The following WNT9A variants were observed in gnomAD, a reference collection of about 807,000 sequenced individuals.
WNT9A encodes Wnt family member 9A, also known as protein Wnt-9a.
WNT9A carries 8 observed loss-of-function variants against 31.4 expected under a neutral mutation model. That is an observed-to-expected ratio of 0.26 (90% confidence interval 0.15 to 0.46). The LOEUF is 0.46. WNT9A is among the 20% of genes least tolerant of loss of function. The pLI is 0.99. For missense variants in WNT9A, 457 were observed against 522.9 expected (o/e 0.87, Z 1.23); for synonymous variants, 236 against 220.1 (o/e 1.07, Z -0.64).
intron 1 of WNT9A, among the ~76,000 whole-genome samples, chr1:227,936,877 T>G (rs1382126434): frequency 6.6e-6 from 1 of 152,154 alleles, no homozygotes. Context: ...GGAATCTTCT[T>G]TACAGCTTTA....
rs1312046525 is a variant in WNT9A, at chr1:227,921,332, C to G, written c.*186G>C. On this transcript the variant is annotated 3_prime_UTR_variant, in exon 4 of 4. Coordinates refer to ENST00000272164, the MANE Select transcript of WNT9A (RefSeq NM_003395.4). ...GGACTGAGCCCAGGGACTCACCCCA[C>G]GCTGCTAGGTCTGAGCCCAGGGACT... 1 of 903,624 alleles carries G rather than the reference C, an allele frequency of 1.1e-6. No homozygotes were observed. Among genetic ancestry groups the G allele is most frequent in the Non-Finnish European group, 1.6e-6 (1 of 613,514 alleles). 56.0% of individuals were successfully genotyped at this position (903,624 alleles called of 1,614,324 possible). A position where few individuals can be genotyped will look rare whatever the true frequency, so the allele number is the denominator to read the frequency against.
At chr1:227,941,168 G>T (rs989698605) in intron 1 of WNT9A, among the ~76,000 whole-genome samples, 4 of 152,202 alleles carry the variant, frequency 2.6e-5, no homozygotes, top group Non-Finnish European at 5.9e-5. Flanking sequence ...GAGTCCTGTA[G>T]GACCCGGGGC....
chr1:227,932,044 C>G (rs1666521521), intron 1 of WNT9A, among the ~76,000 whole-genome samples: 1 of 152,208 alleles, frequency 6.6e-6, no homozygotes, highest in Non-Finnish European at 1.5e-5. Flanking sequence ...AGCAAGACAA[C>G]TATGAAGTTT....
Position 227,924,361 on chromosome 1 carries a change from G to C in WNT9A, c.392C>G (p.Ala131Gly). ...ETAFLYAISS[A>G]GLTHALAKAC... ...CTTGGCCAGTGCGTGCGTCAGGCCA[G>C]CCGAGGAGATGGCATAGAGGAAGGC... is the stretch of plus-strand genomic sequence containing the variant. The change falls in exon 3 of 4, where the codon GCT (alanine) becomes GGT (glycine). Residue 131 changes from alanine (A) to glycine (G), a missense_variant. Physicochemically the swap from Ala to Gly is moderately conservative, Grantham distance 60. Coordinates refer to ENST00000272164, the MANE Select transcript of WNT9A (RefSeq NM_003395.4). 6.2e-7 allele frequency: 1 copy of C among 1,613,296 alleles called. No individual in the cohort carries two copies.
intron 1 of WNT9A, among the ~76,000 whole-genome samples, chr1:227,937,901 G>A (rs1291132588): frequency 6.6e-6 from 1 of 152,200 alleles, no homozygotes; most frequent in Non-Finnish European, 1.5e-5. Context: ...GCCACCTGCG[G>A]TCCCAGAGCC....
At position 227,925,465 on chromosome 1, in the gene WNT9A, C is replaced by A; in HGVS notation, c.150G>T (p.Ala50=). 6.3e-7 allele frequency: 1 copy of A among 1,577,068 alleles called. No homozygotes were observed. The highest frequency in any genetic ancestry group is 8.6e-7 in the Non-Finnish European group (1 of 1,165,672). The part of the protein sequence containing the change: ...TILPLTLEPE[A]AAQAHYKACD... ...AGGCCTTGTAGTGCGCCTGGGCAGC[C>A]GCCTCTGGCTCCAGGGTCAGCGGGA... Residue 50 remains alanine, a synonymous_variant, in exon 2 of 4, where the codon GCG becomes GCT. Transcript: ENST00000272164. This position sits in a 1 kb window ranked among gnomAD's most constrained non-coding sequence, Gnocchi z 6.0.
At chr1:227,924,451 C>G (rs1290263568) in intron 2 of WNT9A, 51 bp from the exon 3 acceptor site, 1 of 1,571,756 alleles carries the variant, frequency 6.4e-7, no homozygotes, top group Admixed American at 1.8e-5. Flanking sequence ...AGAGTTCCCC[C>G]TTCACTGTCC....
chr1:227,931,151 A>C (rs1666504888), intron 1 of WNT9A, among the ~76,000 whole-genome samples: 2 of 152,040 alleles, frequency 1.3e-5, no homozygotes, highest in Non-Finnish European at 2.9e-5. Flanking sequence ...CAGTGGCACA[A>C]TGACAGCTCA....
rs1427184708 is a variant in WNT9A, at chr1:227,926,979, G to A, written c.96-1460C>T. Among the ~76,000 whole-genome samples, 1 of 152,126 alleles carries A rather than the reference G, an allele frequency of 6.6e-6. No individual in the cohort carries two copies. The highest frequency in any genetic ancestry group is 1.9e-4 in the East Asian group (1 of 5,156). On this transcript the variant is annotated intron_variant, in intron 1 of 3. Transcript: ENST00000272164. This position sits in a 1 kb window ranked among gnomAD's most constrained non-coding sequence, Gnocchi z 5.0. ...ACAGGCGCAGGCCACAGAAGGAGCAGGTAGTGGCCCCAGGAAGGATCCCAC... is the reference window on the plus strand; with the variant it reads ...ACAGGCGCAGGCCACAGAAGGAGCAAGTAGTGGCCCCAGGAAGGATCCCAC...
rs181078274 is a variant in WNT9A, at chr1:227,938,366, C to T, written c.95+9427G>A. Among the ~76,000 whole-genome samples, 165 of 150,572 alleles carry T rather than the reference C, an allele frequency of 1.1e-3. 3 individuals are homozygous for T. Among genetic ancestry groups the T allele is most frequent in the Admixed American group, 9.7e-3 (147 of 15,098 alleles). ...ATACACACAGACACACGCATACACA[C>T]GTACAGGAACAAACACACCCACACA... is the stretch of plus-strand genomic sequence containing the variant. On this transcript the variant is annotated intron_variant, in intron 1 of 3. Transcript: ENST00000272164.
At chr1:227,943,509 C>T (rs1390810164) in intron 1 of WNT9A, among the ~76,000 whole-genome samples, 1 of 152,248 alleles carries the variant, frequency 6.6e-6, no homozygotes, top group Non-Finnish European at 1.5e-5. Flanking sequence ...CACTGGCCAC[C>T]TGACAAATGC....
intron 1 of WNT9A, among the ~76,000 whole-genome samples, chr1:227,935,614 C>A (rs1276863344): frequency 6.6e-6 from 1 of 152,264 alleles, no homozygotes; most frequent in Non-Finnish European, 1.5e-5. Flanking sequence ...CTCCAATCAA[C>A]CCAGGCTTTC....
rs77625174 is a variant in WNT9A, at chr1:227,921,008, G to T, written c.*510C>A. On this transcript the variant is annotated 3_prime_UTR_variant, in exon 4 of 4. Transcript: ENST00000272164. ...CCCGACGTGCTAGAAAAGCCTCTCA[G>T]TCCTTGCAGGTGTAGACCCCTCATA... 0.1 allele frequency: 15,606 copies of T among 154,074 alleles called. 893 individuals are homozygous for T. The highest frequency in any genetic ancestry group is 0.15 in the South Asian group (719 of 4,898). 9.5% of individuals were successfully genotyped at this position (154,074 alleles called of 1,614,324 possible). A position where few individuals can be genotyped will look rare whatever the true frequency, so the allele number is the denominator to read the frequency against.
rs559805565 is a variant in WNT9A, at chr1:227,925,622, G to A, written c.96-103C>T. 49 of 1,410,336 alleles carry A rather than the reference G, an allele frequency of 3.5e-5. No individual in the cohort carries two copies. The highest frequency in any genetic ancestry group is 1.8e-4 in the South Asian group (12 of 65,716). 87.4% of individuals were successfully genotyped at this position (1,410,336 alleles called of 1,614,324 possible). Reference sequence around the variant, plus strand: ...GTACAGGGGACAGGCGTGTCCATCCGGGGGTGAGGGGGCAGAAAGAATCCA... The same window carrying A: ...GTACAGGGGACAGGCGTGTCCATCCAGGGGTGAGGGGGCAGAAAGAATCCA... On this transcript the variant is annotated intron_variant, in intron 1 of 3. Coordinates refer to ENST00000272164, the MANE Select transcript of WNT9A (RefSeq NM_003395.4). The surrounding 1 kb of genome is among the most constrained non-coding windows in gnomAD (Gnocchi z 6.0).
At chr1:227,945,134 G>T (rs574997884) in intron 1 of WNT9A, among the ~76,000 whole-genome samples, 1 of 152,206 alleles carries the variant, frequency 6.6e-6, no homozygotes, top group Non-Finnish European at 1.5e-5. Context: ...AGCGAGAGGG[G>T]CCTCCCAATG....
rs202138088 is a variant in WNT9A at position 227,940,124 on chromosome 1, CCTGT to C, written c.95+7665_95+7668del. Among the ~76,000 whole-genome samples the C allele has an allele frequency of 8.0e-3, 1,211 of 152,274 alleles. 15 individuals are homozygous for C. Among genetic ancestry groups the C allele is most frequent in the African/African-American group, 0.027 (1,136 of 41,554 alleles). ...TGGCAGCCCCTGGAATAAGCCCTGC[CCTGT>C]CTGTGTCTGCAGCATCCATGGGGTC... On this transcript the variant is annotated intron_variant, in intron 1 of 3. Transcript: ENST00000272164.
intron 2 of WNT9A, 59 bp from the exon 3 acceptor site, chr1:227,924,459 T>A: frequency 6.4e-7 from 1 of 1,560,438 alleles, no homozygotes; most frequent in Non-Finnish European, 8.7e-7. Flanking sequence ...CCCTTCACTG[T>A]CCTGCAGCCA....
chr1:227,938,809 A>T (rs1357345195), intron 1 of WNT9A, among the ~76,000 whole-genome samples: 1 of 152,184 alleles, frequency 6.6e-6, no homozygotes, highest in African/African-American at 2.4e-5. Flanking sequence ...TTCATGTCCT[A>T]AACTACCTGG....
chr1:227,929,509 A>C (rs1248906304), intron 1 of WNT9A, among the ~76,000 whole-genome samples: 13 of 152,218 alleles, frequency 8.5e-5, no homozygotes, highest in Admixed American at 8.5e-4. Flanking sequence ...GCCTCTGGAA[A>C]GTGATTAGGC....
Sources: allele counts gnomAD v4.1 joint callset (sites outside exome capture counted in the v4.1 genomes callset), GRCh38; gene constraint gnomAD v4.1.1; non-coding constraint Gnocchi (gnomAD v3.1); transcripts MANE v1.5; gene names NCBI Gene and HGNC (gene_info 2026-07-23, HGNC 2026-07-21).